CAPN1: variants seen among roughly 807,000 people sequenced by gnomAD.
CAPN1 encodes the protein calpain-1 catalytic subunit.
A neutral mutation model predicts 105.2 loss-of-function variants in CAPN1; 77 were observed. The observed-to-expected ratio is 0.73, with a 90% confidence interval of 0.61 to 0.88. CAPN1 has a LOEUF of 0.88. Among genes scored for constraint, CAPN1 ranks in the 40% least tolerant of loss-of-function variants. The probability of loss-of-function intolerance (pLI) is 0.00; values close to 1 mark genes in which losing one functional copy is unlikely to be tolerated. For missense variants in CAPN1, 833 were observed against 976.6 expected (o/e 0.85, Z 1.96); for synonymous variants, 355 against 388.8 (o/e 0.91, Z 1.02).
intron 4 of CAPN1, 175 bp from the exon 5 acceptor site, chr11:65,185,742 C>T: frequency 1.7e-6 from 1 of 602,262 alleles, no homozygotes. Context: ...TACTATGTAT[C>T]TGGTATACCT....
Position 65,210,489 on chromosome 11 carries a change from G to T in CAPN1, c.2059+37G>T. ...CAACTGCCTCCCACCCTCCAGCTCCGTCCCAAACGCGTCCCCCAGGAGCTG... is the reference window on the plus strand; with the variant it reads ...CAACTGCCTCCCACCCTCCAGCTCCTTCCCAAACGCGTCCCCCAGGAGCTG... On this transcript the variant is annotated intron_variant, in intron 20 of 21. Transcript: ENST00000279247. The surrounding 1 kb of genome is among the most constrained non-coding windows in gnomAD (Gnocchi z 4.3). 1 of 1,261,648 alleles carries T rather than the reference G, an allele frequency of 7.9e-7. No individual in the cohort carries two copies. Among genetic ancestry groups the T allele is most frequent in the South Asian group, 1.2e-5 (1 of 81,436 alleles). The allele number at this position is 1,261,648 out of a possible 1,614,324, so 78.2% of individuals were successfully genotyped here. A position where few individuals can be genotyped will look rare whatever the true frequency, so the allele number is the denominator to read the frequency against.
chr11:65,181,926 G>C (rs1396288093), upstream of CAPN1: 1 of 176,236 alleles, frequency 5.7e-6, no homozygotes, highest in Non-Finnish European at 1.2e-5. The surrounding 1 kb of genome is among the most constrained non-coding windows in gnomAD (Gnocchi z 4.6). Flanking sequence ...GCGGGGAGGA[G>C]CGCTCTTCCT....
chr11:65,200,314 T>C (rs533242244), intron 10 of CAPN1, among the ~76,000 whole-genome samples: 1 of 152,198 alleles, frequency 6.6e-6, no homozygotes, highest in African/African-American at 2.4e-5. Context: ...GTGCTAGGAT[T>C]ACAGGCGTGA....
In CAPN1 at chr11:65,204,934, G is replaced by A; in HGVS notation, c.1341+76G>A. ...GCGCCCCCGACCCGCAGTGCAGGCG[G>A]GCTTCCACCAGGGGGCGCCAGGGAC... On this transcript the variant is annotated intron_variant, in intron 11 of 21. Transcript: ENST00000279247. 6 of 1,313,120 alleles carry A rather than the reference G, an allele frequency of 4.6e-6. No individual in the cohort carries two copies. In the Admixed American group the frequency reaches 8.6e-5, roughly 19 times the overall value. The allele number at this position is 1,313,120 out of a possible 1,614,324, so 81.3% of individuals were successfully genotyped here.
rs765457389 is a variant in CAPN1, at chr11:65,188,534, T to C, written c.1004+46T>C. 6.2e-7 allele frequency: 1 copy of C among 1,612,388 alleles called. No homozygotes were observed. On this transcript the variant is annotated intron_variant, in intron 9 of 21. Coordinates refer to ENST00000279247, the MANE Select transcript of CAPN1 (RefSeq NM_005186.4). This position sits in a 1 kb window ranked among gnomAD's most constrained non-coding sequence, Gnocchi z 5.5. ...TACCCCACCTCTCCACCCCTACACA[T>C]CAGCTCTGTGCCCTGACGGGCTGTG...
At chr11:65,205,000 T>C (rs373431615) in intron 11 of CAPN1, 142 bp downstream of exon 11, 8 of 688,436 alleles carry the variant, frequency 1.2e-5, no homozygotes, top group Admixed American at 5.9e-5. Flanking sequence ...CCCCCCACCA[T>C]CCTGAGGGCT....
chr11:65,201,676 C>A (rs1235302086), intron 10 of CAPN1, among the ~76,000 whole-genome samples: 2 of 151,906 alleles, frequency 1.3e-5, no homozygotes, highest in Non-Finnish European at 2.9e-5. Context: ...TGCCACCACG[C>A]CCGGCTAATT....
rs539895915 is a variant in CAPN1 at position 65,183,223 on chromosome 11, G to A, written c.337+26G>A. ...GTAGGCCCCCAGGGCGTCGGGTCCC[G>A]GGTATTTTTTCCACAGTAGTTCCCC... On this transcript the variant is annotated intron_variant, in intron 3 of 21. Coordinates refer to ENST00000279247, the MANE Select transcript of CAPN1 (RefSeq NM_005186.4). The A allele has an allele frequency of 9.9e-6, 16 of 1,609,564 alleles. No homozygotes were observed. The highest frequency in any genetic ancestry group is 1.2e-5 in the Non-Finnish European group (14 of 1,175,956).
chr11:65,190,038 A>G (rs1335907798), intron 10 of CAPN1, among the ~76,000 whole-genome samples: 2 of 152,118 alleles, frequency 1.3e-5, no homozygotes, highest in African/African-American at 4.8e-5. Context: ...GTCCCTGTTC[A>G]TGGGGACCCC....
chr11:65,198,380 A>C (rs2137359820), intron 10 of CAPN1, among the ~76,000 whole-genome samples: 1 of 152,128 alleles, frequency 6.6e-6, no homozygotes, highest in Middle Eastern at 3.4e-3. Flanking sequence ...CTCCTAGCTC[A>C]AGCCATCCAC....
Position 65,206,540 on chromosome 11 carries a change from C to T in CAPN1, c.1431C>T (p.Phe477=), listed in dbSNP as rs779288043. 2 of 1,613,336 alleles carry T rather than the reference C, an allele frequency of 1.2e-6. No individual in the cohort carries two copies. Among genetic ancestry groups the T allele is most frequent in the Admixed American group, 3.3e-5 (2 of 60,016 alleles). Residue 477 remains phenylalanine, a synonymous_variant, in exon 13 of 22, where the codon TTC becomes TTT. Transcript: ENST00000279247. ...CGTCTCGGGCGCGCTCAGAGCAGTT[C>T]ATCAACCTGCGAGAGGTCAGCACCC... ...ANASRARSEQ[F]INLREVSTRF...
Position 65,188,560 on chromosome 11 carries a change from C to T in CAPN1, c.1005-26C>T. ...CAGCTCTGTGCCCTGACGGGCTGTGCCTCACCTGTGTACCTCCCACCTCAG... is the reference window on the plus strand; with the variant it reads ...CAGCTCTGTGCCCTGACGGGCTGTGTCTCACCTGTGTACCTCCCACCTCAG... On this transcript the variant is annotated intron_variant, in intron 9 of 21. Transcript: ENST00000279247. The surrounding 1 kb of genome is among the most constrained non-coding windows in gnomAD (Gnocchi z 5.5). The T allele has an allele frequency of 6.2e-7, 1 of 1,613,790 alleles. No homozygotes were observed. Among genetic ancestry groups the T allele is most frequent in the East Asian group, 2.2e-5 (1 of 44,886 alleles).
rs1948796246 is a variant in CAPN1 at position 65,196,650 on chromosome 11, T to C, written c.1165+7904T>C. ...TTAGGTTATTGATTTGATAGCTCTC[T>C]CTTTTAATATATGTACATTTTTCAT... On this transcript the variant is annotated intron_variant, in intron 10 of 21. Transcript: ENST00000279247. Among the ~76,000 whole-genome samples, 6 of 152,328 alleles carry C rather than the reference T, an allele frequency of 3.9e-5. No individual in the cohort carries two copies. In the South Asian group the frequency reaches 1.2e-3, roughly 32 times the overall value.
rs1948582372 is a variant in CAPN1 at position 65,183,551 on chromosome 11, C to T, written c.415C>T (p.Gln139Ter). The T allele has an allele frequency of 1.2e-6, 2 of 1,613,908 alleles. No homozygotes were observed. Among genetic ancestry groups the T allele is most frequent in the East Asian group, 4.5e-5 (2 of 44,868 alleles). The change falls in exon 4 of 22, where the codon CAG (glutamine) becomes TAG (stop). Residue 139 changes from glutamine (Q) to a stop codon, truncating the protein, a stop_gained. Transcript: ENST00000279247. LOFTEE classifies it high-confidence loss of function. ...CCTGCACCGAGTGGTTCCGCACGGC[C>T]AGAGCTTCCAGAATGGCTATGCCGG... is the stretch of plus-strand genomic sequence containing the variant. ...TLLHRVVPHGQSFQNGYAGIF... is the reference protein window; with the variant it reads ...TLLHRVVPHG
Position 65,209,171 on chromosome 11 carries a change from G to A in CAPN1, c.1730-152G>A, listed in dbSNP as rs1025647556. ...AAATACTTTACTTGTACTTCCTGATGATACAAACAATCCTGCCCACTTCCT... is the reference window on the plus strand; with the variant it reads ...AAATACTTTACTTGTACTTCCTGATAATACAAACAATCCTGCCCACTTCCT... On this transcript the variant is annotated intron_variant, in intron 16 of 21. Transcript: ENST00000279247. This position sits in a 1 kb window ranked among gnomAD's most constrained non-coding sequence, Gnocchi z 4.1. The A allele has an allele frequency of 1.1e-5, 7 of 643,218 alleles. No homozygotes were observed. Among genetic ancestry groups the A allele is most frequent in the Non-Finnish European group, 1.7e-5 (6 of 351,120 alleles). 39.8% of individuals were successfully genotyped at this position (643,218 alleles called of 1,614,324 possible). A position where few individuals can be genotyped will look rare whatever the true frequency, so the allele number is the denominator to read the frequency against.
chr11:65,209,890 C>T lies in CAPN1; in HGVS notation c.1836C>T (p.Ile612=), dbSNP rs1949018263. ...AGCTGGGCCTGGTGGAGTTCAACAT[C>T]CTGTGGAACCGCATCCGGAATTACC... ...NGKLGLVEFN[I]LWNRIRNYLS... is the part of the protein sequence containing the mutation. Residue 612 remains isoleucine (I), a synonymous_variant, in exon 18 of 22, where the codon ATC becomes ATT. Transcript: ENST00000279247. The surrounding 1 kb of genome is among the most constrained non-coding windows in gnomAD (Gnocchi z 4.1). 1 of 1,613,724 alleles carries T rather than the reference C, an allele frequency of 6.2e-7. No homozygotes were observed.
Position 65,186,321 on chromosome 11 carries a change from C to T in CAPN1, c.742C>T (p.Leu248=). The T allele has an allele frequency of 5.6e-6, 9 of 1,612,236 alleles. No homozygotes were observed. Among genetic ancestry groups the T allele is most frequent in the Non-Finnish European group, 7.6e-6 (9 of 1,178,950 alleles). The change falls in exon 6 of 22, where the codon CTG becomes TTG. Residue 248 remains leucine (L), a synonymous_variant. Transcript: ENST00000279247. ...CAAGGCGCTGGAGCGGGGCTCCCTGCTGGGCTGCTCCATAGACGTGAGTGT... is the reference window on the plus strand; with the variant it reads ...CAAGGCGCTGGAGCGGGGCTCCCTGTTGGGCTGCTCCATAGACGTGAGTGT... ...ILKALERGSL[L]GCSIDISSVL...
At chr11:65,206,924 A>T in intron 14 of CAPN1, 105 bp downstream of exon 14, 1 of 1,078,324 alleles carries the variant, frequency 9.3e-7, no homozygotes, top group Non-Finnish European at 1.3e-6. Context: ...CTAACAGGGA[A>T]GATCCCCTCC....
chr11:65,187,281 G>A lies in CAPN1; in HGVS notation c.826G>A (p.Val276Met). 6.2e-7 allele frequency: 1 copy of A among 1,612,920 alleles called. No homozygotes were observed. The highest frequency in any genetic ancestry group is 8.5e-7 in the Non-Finnish European group (1 of 1,179,320). ...KKLVKGHAYS[V>M]TGAKQVNYRG... ...GTTGGTGAAGGGCCATGCCTACTCT[G>A]TGACCGGGGCCAAGCAGGTACTGCC... Residue 276 changes from valine to methionine, a missense_variant, in exon 7 of 22, where the codon GTG (valine) becomes ATG (methionine). Val to Met is a conservative substitution (Grantham distance 21). Coordinates refer to ENST00000279247, the MANE Select transcript of CAPN1 (RefSeq NM_005186.4).
Sources: gnomAD v4.1 joint callset for allele counts (sites outside exome capture counted in the v4.1 genomes callset) on GRCh38, gnomAD v4.1.1 for gene constraint, Gnocchi (gnomAD v3.1) non-coding constraint, MANE v1.5 for transcripts, NCBI Gene and HGNC (gene_info 2026-07-23, HGNC 2026-07-21) for gene names.